The following PCDH15 variants were observed in gnomAD, a reference collection of about 807,000 sequenced individuals.
The protein encoded by PCDH15 is protocadherin-15.
In PCDH15, 129 loss-of-function variants were observed where a neutral mutation model predicts 178.5. The ratio of observed to expected loss-of-function variants is 0.72; its 90% CI spans 0.63 to 0.84. PCDH15 has a LOEUF of 0.84. Among genes scored for constraint, PCDH15 ranks in the 40% least tolerant of loss-of-function variants. The probability of loss-of-function intolerance (pLI) is 0.00; values close to 1 mark genes in which losing one functional copy is unlikely to be tolerated. For synonymous variants in PCDH15, 800 were observed against 732.0 expected (o/e 1.09, Z -1.50); for missense variants, 2,230 against 2,099.9 (o/e 1.06, Z -1.21).
chr10:55,565,135 T>G (rs1490870603), intron 2 of PCDH15, among the ~76,000 whole-genome samples: 8 of 151,582 alleles, frequency 5.3e-5, no homozygotes, highest in Admixed American at 5.3e-4. Context: ...TTAAAAGATA[T>G]CATACAAAGT....
At chr10:55,523,855 T>A (rs1278932452) in intron 2 of PCDH15, among the ~76,000 whole-genome samples, 1 of 151,644 alleles carries the variant, frequency 6.6e-6, no homozygotes, top group African/African-American at 2.4e-5. Flanking sequence ...ACAATAATGT[T>A]TTGAGGATAG....
intron 3 of PCDH15, among the ~76,000 whole-genome samples, chr10:54,857,459 T>A (rs933256536): frequency 2.0e-5 from 3 of 152,198 alleles, no homozygotes; most frequent in Non-Finnish European, 4.4e-5. Flanking sequence ...AATACTTTTT[T>A]TTGACATACA....
intron 3 of PCDH15, among the ~76,000 whole-genome samples, chr10:54,882,015 T>C (rs1461167649): frequency 2.0e-5 from 3 of 152,118 alleles, no homozygotes; most frequent in Non-Finnish European, 4.4e-5. Context: ...CCCATCTATA[T>C]TGTCAGAGTC....
At chr10:53,862,083 T>C (rs2133099045) in intron 27 of PCDH15, among the ~76,000 whole-genome samples, 1 of 152,160 alleles carries the variant, frequency 6.6e-6, no homozygotes, top group Admixed American at 6.5e-5. Flanking sequence ...GGAGTTTTGC[T>C]CTTGTTGCCC....
At chr10:53,957,716 C>A (rs542405411) in intron 23 of PCDH15, among the ~76,000 whole-genome samples, 1 of 151,824 alleles carries the variant, frequency 6.6e-6, no homozygotes, top group Non-Finnish European at 1.5e-5. Flanking sequence ...CGGTTGACCT[C>A]GGGCAACAAA....
At chr10:54,957,367 G>A (rs1262985090) in intron 2 of PCDH15, among the ~76,000 whole-genome samples, 1 of 151,536 alleles carries the variant, frequency 6.6e-6, no homozygotes, top group African/African-American at 2.4e-5. Context: ...TTTGAGATTT[G>A]GAGAGCAAAA....
chr10:54,222,107 A>C (rs2052894999), intron 9 of PCDH15, among the ~76,000 whole-genome samples: 1 of 152,226 alleles, frequency 6.6e-6, no homozygotes, highest in East Asian at 1.9e-4. Flanking sequence ...TAAAGATGCT[A>C]TGAACTTTCC....
intron 3 of PCDH15, among the ~76,000 whole-genome samples, chr10:54,426,862 T>C (rs1035259008): frequency 6.6e-6 from 1 of 151,716 alleles, no homozygotes; most frequent in African/African-American, 2.4e-5. Context: ...TGAAAATACA[T>C]AGTAAGCAAT....
At chr10:54,575,943 C>G (rs1046399496) in intron 2 of PCDH15, among the ~76,000 whole-genome samples, 1 of 152,154 alleles carries the variant, frequency 6.6e-6, no homozygotes, top group African/African-American at 2.4e-5. Context: ...CCATGGTCAT[C>G]AAAGTCACTA....
At chr10:54,769,053 C>A (rs1201633450) in intron 1 of PCDH15, among the ~76,000 whole-genome samples, 1 of 152,146 alleles carries the variant, frequency 6.6e-6, no homozygotes, top group Non-Finnish European at 1.5e-5. Flanking sequence ...TTCTCTCAAT[C>A]ATTCAAATGA....
At chr10:54,962,920 C>A (rs1348702933) in intron 2 of PCDH15, among the ~76,000 whole-genome samples, 1 of 152,092 alleles carries the variant, frequency 6.6e-6, no homozygotes, top group South Asian at 2.1e-4. Context: ...TGAAGCAACA[C>A]CTGAAGGATC....
intron 1 of PCDH15, among the ~76,000 whole-genome samples, chr10:54,665,950 T>C (rs915517351): frequency 1.3e-5 from 2 of 151,508 alleles, no homozygotes; most frequent in African/African-American, 4.8e-5. Context: ...GATAAGAATG[T>C]GGCTTTTTTT....
intron 1 of PCDH15, among the ~76,000 whole-genome samples, chr10:55,252,366 T>C (rs546298057): frequency 3.3e-5 from 5 of 152,258 alleles, no homozygotes; most frequent in South Asian, 2.1e-4. Flanking sequence ...GTGCCCTAGA[T>C]GTAATCCTGT....
intron 2 of PCDH15, among the ~76,000 whole-genome samples, chr10:54,990,814 T>A (rs914968635): frequency 3.3e-5 from 5 of 152,114 alleles, no homozygotes; most frequent in Non-Finnish European, 7.4e-5. Context: ...ATGAATATAT[T>A]TGAATGTTAA....
chr10:54,378,918 A>C lies in PCDH15; in HGVS notation c.182T>G (p.Leu61Arg), dbSNP rs1050414439. Residue 61 changes from leucine to arginine, a missense_variant, in exon 4 of 38, where the codon CTG becomes CGG. Transcript: ENST00000644397. ...RNGTILVDNM[L>R]IKGTAGGPDP... ...TGGTCCTCCAGCAGTCCCTTTGATCAGCATGTTGTCCACCAGAATTGTACC... is the reference window on the plus strand; with the variant it reads ...TGGTCCTCCAGCAGTCCCTTTGATCCGCATGTTGTCCACCAGAATTGTACC... 3 of 1,613,810 alleles carry C rather than the reference A, an allele frequency of 1.9e-6. No homozygotes were observed. The African/African-American group carries it at 4.0e-5, about 22-fold the overall frequency.
chr10:54,146,962 A>AGTGT (rs1564530718), intron 14 of PCDH15, among the ~76,000 whole-genome samples: 26 of 136,266 alleles, frequency 1.9e-4, no homozygotes, highest in Non-Finnish European at 2.8e-4. Context: ...ATATATATAT[A>AGTGT]ATGTATATAT....
chr10:53,850,680 C>A (rs1032234679), intron 28 of PCDH15, among the ~76,000 whole-genome samples: 6 of 151,974 alleles, frequency 3.9e-5, no homozygotes, highest in African/African-American at 1.4e-4. Context: ...ATAGCTATTA[C>A]ATTCCTATTA....
rs1420364843 is a variant in PCDH15 at position 54,640,109 on chromosome 10, A to AT, written c.91+24062_91+24063insA. Among the ~76,000 whole-genome samples, 3 of 152,286 alleles carry AT rather than the reference A, an allele frequency of 2.0e-5. No individual in the cohort carries two copies. In the East Asian group the frequency reaches 5.8e-4, roughly 29 times the overall value. On this transcript the variant is annotated intron_variant, in intron 2 of 37. Transcript: ENST00000644397. The stretch of plus-strand genomic sequence containing the variant: ...ACCCTGTCTCTAAATAAATAAATAA[A>AT]AACCAGTTAGAAAACAAAATGAGAA...
At chr10:55,088,101 A>G (rs1324015234) in intron 2 of PCDH15, among the ~76,000 whole-genome samples, 2 of 152,106 alleles carry the variant, frequency 1.3e-5, no homozygotes, top group African/African-American at 4.8e-5. Context: ...TAATTCTAAT[A>G]CACATAAACT....
Sources: allele counts gnomAD v4.1 joint callset (sites outside exome capture counted in the v4.1 genomes callset), GRCh38; gene constraint gnomAD v4.1.1; transcripts MANE v1.5; gene names NCBI Gene and HGNC (gene_info 2026-07-23, HGNC 2026-07-21).